Variants in RIMS1 observed in about 807,000 individuals in gnomAD.
RIMS1 encodes regulating synaptic membrane exocytosis protein 1.
A neutral mutation model predicts 214.1 loss-of-function variants in RIMS1; 83 were observed. That is an observed-to-expected ratio of 0.39 (90% confidence interval 0.32 to 0.47). The LOEUF (loss-of-function observed/expected upper bound fraction) is 0.47. Ranked by LOEUF, RIMS1 falls within the 20% of genes least tolerant of loss-of-function variation. The pLI is 0.99. For synonymous variants in RIMS1, 793 were observed against 786.8 expected (o/e 1.01, Z -0.13); for missense variants, 2,050 against 2,161.8 (o/e 0.95, Z 1.03).
At chr6:72,009,573 G>T (rs549445251) in intron 2 of RIMS1, among the ~76,000 whole-genome samples, 1 of 151,888 alleles carries the variant, frequency 6.6e-6, no homozygotes, top group East Asian at 1.9e-4. Context: ...TTGATAGACC[G>T]CTAGCAAGAC....
chr6:71,910,231 G>A (rs1233886416), intron 1 of RIMS1, among the ~76,000 whole-genome samples: 2 of 151,986 alleles, frequency 1.3e-5, no homozygotes, highest in African/African-American at 2.4e-5. Context: ...ACAACCTTAG[G>A]TTTAAGTAGA....
At chr6:71,973,054 C>T (rs1338675718) in intron 2 of RIMS1, among the ~76,000 whole-genome samples, 3 of 152,174 alleles carry the variant, frequency 2.0e-5, no homozygotes, top group Non-Finnish European at 2.9e-5. Flanking sequence ...GGATTACAGG[C>T]ATGCGCCACC....
intron 2 of RIMS1, among the ~76,000 whole-genome samples, chr6:72,036,403 T>C (rs1005376838): frequency 1.4e-4 from 21 of 152,250 alleles, no homozygotes; most frequent in Non-Finnish European, 2.5e-4. Context: ...TATTCATGCA[T>C]CCCTGCACTT....
At chr6:72,240,059 A>G (rs2066056182) in intron 9 of RIMS1, among the ~76,000 whole-genome samples, 1 of 152,204 alleles carries the variant, frequency 6.6e-6, no homozygotes, top group Non-Finnish European at 1.5e-5. Flanking sequence ...CTATTGTTGC[A>G]TATAAAATAT....
At chr6:72,200,029 A>G (rs1163085700) in intron 6 of RIMS1, among the ~76,000 whole-genome samples, 2 of 152,058 alleles carry the variant, frequency 1.3e-5, no homozygotes, top group African/African-American at 4.8e-5. Flanking sequence ...TATCATATGC[A>G]TGCATTAATT....
At chr6:72,190,847 T>C (rs2049960662) in intron 6 of RIMS1, among the ~76,000 whole-genome samples, 1 of 152,142 alleles carries the variant, frequency 6.6e-6, no homozygotes, top group Admixed American at 6.5e-5. Flanking sequence ...GCAGTTCAGG[T>C]TGCGTGGTGA....
At chr6:72,036,072 A>G (rs997850281) in intron 2 of RIMS1, among the ~76,000 whole-genome samples, 1 of 152,248 alleles carries the variant, frequency 6.6e-6, no homozygotes, top group Admixed American at 6.5e-5. Flanking sequence ...GAAATACTCA[A>G]ATTCATAAAA....
intron 16 of RIMS1, 130 bp downstream of exon 16, chr6:72,252,962 A>G (rs888423705): frequency 1.3e-5 from 8 of 637,762 alleles, no homozygotes; most frequent in Non-Finnish European, 2.2e-5. Flanking sequence ...ATATTATTCC[A>G]TGGTGACTTA....
intron 1 of RIMS1, among the ~76,000 whole-genome samples, chr6:71,934,761 C>T (rs1784004984): frequency 6.6e-6 from 1 of 152,166 alleles, no homozygotes; most frequent in African/African-American, 2.4e-5. Flanking sequence ...TCAAATGACA[C>T]CAAATTCCTG....
chr6:71,925,142 C>T (rs1433778325), intron 1 of RIMS1, among the ~76,000 whole-genome samples: 1 of 152,140 alleles, frequency 6.6e-6, no homozygotes, highest in South Asian at 2.1e-4. Flanking sequence ...GGAAAGAATA[C>T]TAATTTCACT....
intron 2 of RIMS1, among the ~76,000 whole-genome samples, chr6:72,075,661 C>T (rs919449817): frequency 2.0e-5 from 3 of 152,242 alleles, no homozygotes; most frequent in East Asian, 3.9e-4. Flanking sequence ...AAACAGAATG[C>T]TCACCAGCCC....
At chr6:72,165,789 A>T (rs1212267046) in intron 4 of RIMS1, among the ~76,000 whole-genome samples, 1 of 152,132 alleles carries the variant, frequency 6.6e-6, no homozygotes, top group East Asian at 1.9e-4. Flanking sequence ...AGAATAATGA[A>T]TGAGGAGGCC....
intron 2 of RIMS1, among the ~76,000 whole-genome samples, chr6:72,083,738 T>C (rs1833979418): frequency 6.6e-6 from 1 of 152,198 alleles, no homozygotes; most frequent in African/African-American, 2.4e-5. Context: ...CACTTTACAT[T>C]GATTATCTCA....
At chr6:72,051,994 A>G (rs1372644949) in intron 2 of RIMS1, among the ~76,000 whole-genome samples, 1 of 152,202 alleles carries the variant, frequency 6.6e-6, no homozygotes, top group East Asian at 1.9e-4. Flanking sequence ...GAATAATTTT[A>G]TGCACTCTTC....
chr6:72,084,394 A>G (rs1834156117), intron 2 of RIMS1, among the ~76,000 whole-genome samples: 1 of 152,164 alleles, frequency 6.6e-6, no homozygotes, highest in African/African-American at 2.4e-5. Flanking sequence ...CTTGAATTGT[A>G]CTGTGAATGA....
intron 26 of RIMS1, among the ~76,000 whole-genome samples, chr6:72,300,035 C>T (rs2094467491): frequency 6.6e-6 from 1 of 151,760 alleles, no homozygotes; most frequent in African/African-American, 2.4e-5. Flanking sequence ...TGAATATTTA[C>T]TCATAAATAT....
Position 72,096,974 on chromosome 6 carries a change from T to C in RIMS1, c.271T>C (p.Tyr91His), listed in dbSNP as rs1368773270. 2 of 1,613,758 alleles carry C rather than the reference T, an allele frequency of 1.2e-6. No homozygotes were observed. The highest frequency in any genetic ancestry group is 2.2e-5 in the South Asian group (2 of 91,030). Residue 91 changes from tyrosine to histidine, a missense_variant, in exon 3 of 34, where the codon TAT becomes CAT. Physicochemically the swap from Tyr to His is moderately conservative, Grantham distance 83. Around this residue, in one of 6 missense-constraint regions of RIMS1, gnomAD observed 882 missense variants for 828.9 expected, o/e 1.06. Coordinates refer to ENST00000521978, the MANE Select transcript of RIMS1 (RefSeq NM_014989.7). ...SPRLHQQFES[Y>H]KEQVRKIGEE... ...GAGATTGCATCAACAGTTTGAAAGC[T>C]ATAAGGAACAAGTGAGAAAAATAGG...
intron 4 of RIMS1, among the ~76,000 whole-genome samples, chr6:72,101,348 ATATC>A (rs1041759361): frequency 6.6e-6 from 1 of 152,058 alleles, no homozygotes; most frequent in South Asian, 2.1e-4. Context: ...TAGAATGTAT[ATATC>A]TATCACTTTA....
rs947008370 is a variant in RIMS1 at position 72,333,594 on chromosome 6, A to G, written c.4131-6A>G. On this transcript the variant is annotated splice_polypyrimidine_tract_variant and splice_region_variant and intron_variant, in intron 28 of 33. Coordinates refer to ENST00000521978, the MANE Select transcript of RIMS1 (RefSeq NM_014989.7). ...ATGCATATATGTTTTTACTTTGTAA[A>G]TATAGTTCATTTACCCCCAAAATGC... 3.2e-6 allele frequency: 5 copies of G among 1,567,354 alleles called. No homozygotes were observed. Among genetic ancestry groups the G allele is most frequent in the Non-Finnish European group, 4.3e-6 (5 of 1,154,096 alleles).
Sources: allele counts gnomAD v4.1 joint callset (sites outside exome capture counted in the v4.1 genomes callset), GRCh38; gene constraint gnomAD v4.1.1; regional missense constraint gnomAD v4.1.1; transcripts MANE v1.5; gene names NCBI Gene and HGNC (gene_info 2026-07-23, HGNC 2026-07-21).